MSRB3: variants seen among roughly 807,000 people sequenced by gnomAD.
MSRB3 encodes the protein methionine sulfoxide reductase B3, also known as methionine-R-sulfoxide reductase B3.
Under a neutral mutation model 21.0 loss-of-function variants are expected in MSRB3, and 13 were observed. The observed-to-expected ratio is 0.62, with a 90% CI of 0.40 to 0.98. The LOEUF (loss-of-function observed/expected upper bound fraction) is 0.98. MSRB3 is among the 50% of genes least tolerant of loss of function. MSRB3 has a pLI of 0.00. For synonymous variants in MSRB3, 87 were observed against 88.6 expected, an observed-to-expected ratio of 0.98 and a Z score of 0.10; for missense variants, 199 against 230.3, an observed-to-expected ratio of 0.86 and a Z score of 0.88.
chr12:65,326,755 C>A, intron 2 of MSRB3, 71 bp from the exon 3 acceptor site: 1 of 1,172,010 alleles, frequency 8.5e-7, no homozygotes, highest in Non-Finnish European at 1.3e-6. Flanking sequence ...TGTGCTGTGG[C>A]GGTCAGCCAA....
intron 5 of MSRB3, among the ~76,000 whole-genome samples, chr12:65,434,216 T>C (rs4762096): frequency 0.52 from 78,557 of 151,638 alleles, 21,168 homozygotes; most frequent in Non-Finnish European, 0.62. Flanking sequence ...TCATTTCAAG[T>C]TCTTGACTCA....
chr12:65,399,075 G>A, intron 5 of MSRB3, among the ~76,000 whole-genome samples: 1 of 152,142 alleles, frequency 6.6e-6, no homozygotes, highest in Non-Finnish European at 1.5e-5. Flanking sequence ...GCTTAGGATT[G>A]TCTTGGCTAT....
chr12:65,283,599 T>C lies in MSRB3; in HGVS notation c.-52+4734T>C, dbSNP rs146357459. The C allele has an allele frequency of 3.9e-5, 6 of 152,216 alleles. No homozygotes were observed. The East Asian group carries it at 1.2e-3, about 29-fold the overall frequency. The allele number at this position is 152,216 out of a possible 1,614,324, so 9.4% of individuals were successfully genotyped here. On this transcript the variant is annotated intron_variant, in intron 1 of 6. Coordinates refer to ENST00000308259, the MANE Select transcript of MSRB3 (RefSeq NM_001031679.3). ...GGCACCTGCCACCATGCCCAGCTAA[T>C]TGTAGTATTTTTTTGTAGAGATGGG...
intron 5 of MSRB3, among the ~76,000 whole-genome samples, chr12:65,437,430 G>A (rs1423856964): frequency 6.6e-6 from 1 of 151,832 alleles, no homozygotes; most frequent in Non-Finnish European, 1.5e-5. Flanking sequence ...GCAAGATCTG[G>A]TAGTTCATCT....
chr12:65,421,956 A>G (rs1385192167), intron 5 of MSRB3, among the ~76,000 whole-genome samples: 1 of 152,148 alleles, frequency 6.6e-6, no homozygotes. Flanking sequence ...AAGAAACAAG[A>G]CTCAATGGTA....
At chr12:65,334,988 A>G (rs926834877) in intron 4 of MSRB3, among the ~76,000 whole-genome samples, 2 of 152,260 alleles carry the variant, frequency 1.3e-5, no homozygotes, top group South Asian at 2.1e-4. Context: ...GTAAATGTCT[A>G]TCTTACTACT....
intron 1 of MSRB3, among the ~76,000 whole-genome samples, chr12:65,295,094 T>G (rs971190701): frequency 6.6e-6 from 1 of 152,232 alleles, no homozygotes; most frequent in Non-Finnish European, 1.5e-5. Context: ...ACTGCCAAAG[T>G]GCTGAGATTA....
chr12:65,300,503 A>G (rs1043156227), intron 1 of MSRB3, among the ~76,000 whole-genome samples: 4 of 152,184 alleles, frequency 2.6e-5, no homozygotes, highest in Non-Finnish European at 5.9e-5. Flanking sequence ...AAGGACATCA[A>G]TCTGGGGGCA....
chr12:65,324,930 T>C lies in MSRB3; in HGVS notation c.77-1896T>C, dbSNP rs577061555. ...CGTATATTAACAAAAATATTTTGGATAGAATTGTTTGATTTTAATTGTACA... is the reference window on the plus strand; with the variant it reads ...CGTATATTAACAAAAATATTTTGGACAGAATTGTTTGATTTTAATTGTACA... On this transcript the variant is annotated intron_variant, in intron 2 of 6. Coordinates refer to ENST00000308259, the MANE Select transcript of MSRB3 (RefSeq NM_001031679.3). 2.5e-4 allele frequency among the ~76,000 whole-genome samples: 38 copies of C among 152,350 alleles called. 1 individual carries two copies. The highest frequency in any genetic ancestry group is 3.9e-4 in the Admixed American group (6 of 15,298).
At chr12:65,325,308 G>C (rs1031571800) in intron 2 of MSRB3, among the ~76,000 whole-genome samples, 7 of 152,204 alleles carry the variant, frequency 4.6e-5, no homozygotes, top group African/African-American at 1.4e-4. Flanking sequence ...TGAGATGAGA[G>C]ATCAACATGC....
At chr12:65,397,586 A>G (rs79312153) in intron 5 of MSRB3, among the ~76,000 whole-genome samples, 126 of 152,036 alleles carry the variant, frequency 8.3e-4, no homozygotes, top group Admixed American at 6.6e-4. Flanking sequence ...GGAAAAGTAC[A>G]ATTATACTTC....
intron 1 of MSRB3, among the ~76,000 whole-genome samples, chr12:65,290,219 A>G (rs566540879): frequency 1.2e-4 from 18 of 152,272 alleles, no homozygotes; most frequent in Admixed American, 6.5e-4. Context: ...ATATTTATTT[A>G]TTACAGTTTT....
At chr12:65,339,841 A>G (rs1214221000) in intron 4 of MSRB3, among the ~76,000 whole-genome samples, 1 of 152,196 alleles carries the variant, frequency 6.6e-6, no homozygotes, top group Admixed American at 6.5e-5. Context: ...TCCAGCCTCC[A>G]GTCAGCTCAG....
At chr12:65,445,024 C>T (rs1882550133) in intron 5 of MSRB3, among the ~76,000 whole-genome samples, 1 of 152,118 alleles carries the variant, frequency 6.6e-6, no homozygotes, top group Non-Finnish European at 1.5e-5. Flanking sequence ...ATTTCTGAGC[C>T]CACATATTCC....
chr12:65,358,103 T>C (rs191450644), intron 4 of MSRB3, among the ~76,000 whole-genome samples: 114 of 151,990 alleles, frequency 7.5e-4, no homozygotes, highest in African/African-American at 2.2e-3. Context: ...TTCTCTTTTA[T>C]TTTTATTTAT....
intron 5 of MSRB3, among the ~76,000 whole-genome samples, 191 bp downstream of exon 5, chr12:65,369,217 T>C (rs1202418186): frequency 6.6e-6 from 1 of 152,134 alleles, no homozygotes; most frequent in Non-Finnish European, 1.5e-5. Flanking sequence ...CTTTGGAGTC[T>C]TCATAGCTCT....
chr12:65,429,058 C>T (rs947610201), intron 5 of MSRB3, among the ~76,000 whole-genome samples: 1 of 152,056 alleles, frequency 6.6e-6, no homozygotes, highest in African/African-American at 2.4e-5. Context: ...TAGTTTTAAA[C>T]ACATCCATTA....
At chr12:65,302,952 G>T (rs566232364) in intron 1 of MSRB3, among the ~76,000 whole-genome samples, 2 of 151,998 alleles carry the variant, frequency 1.3e-5, no homozygotes, top group Non-Finnish European at 2.9e-5. Flanking sequence ...TCTTGAGATC[G>T]CTTTCTTAGT....
intron 1 of MSRB3, among the ~76,000 whole-genome samples, chr12:65,282,775 C>T (rs1872115719): frequency 1.3e-5 from 2 of 151,444 alleles, no homozygotes; most frequent in South Asian, 2.1e-4. Flanking sequence ...ATTATTGAGC[C>T]TTGATCCTAA....
Sources: gnomAD v4.1 joint callset for allele counts (sites outside exome capture counted in the v4.1 genomes callset) on GRCh38, gnomAD v4.1.1 for gene constraint, MANE v1.5 for transcripts, NCBI Gene and HGNC (gene_info 2026-07-23, HGNC 2026-07-21) for gene names.